The following RAP1GAP2 variants were observed in gnomAD, a reference collection of about 807,000 sequenced individuals.
RAP1GAP2 encodes the protein rap1 GTPase-activating protein 2.
In RAP1GAP2, 27 loss-of-function variants were observed where a neutral mutation model predicts 95.0. The ratio of observed to expected loss-of-function variants is 0.28; its 90% CI spans 0.21 to 0.39. The LOEUF is 0.39. Ranked by LOEUF, RAP1GAP2 falls within the 10% of genes least tolerant of loss-of-function variation. The probability of loss-of-function intolerance (pLI) is 1.00; values close to 1 mark genes in which losing one functional copy is unlikely to be tolerated. For synonymous variants in RAP1GAP2, 373 were observed against 380.9 expected (o/e 0.98, Z 0.24); for missense variants, 771 against 970.0 (o/e 0.79, Z 2.72).
At chr17:2,914,653 G>A (rs936835349) in intron 3 of RAP1GAP2, among the ~76,000 whole-genome samples, 4 of 151,576 alleles carry the variant, frequency 2.6e-5, no homozygotes, top group African/African-American at 9.7e-5. Context: ...ACCACGCCCG[G>A]CAAATTTTTT....
chr17:2,885,435 A>G (rs986404916), intron 2 of RAP1GAP2, among the ~76,000 whole-genome samples: 2 of 152,206 alleles, frequency 1.3e-5, no homozygotes, highest in African/African-American at 2.4e-5. Flanking sequence ...CATCCAGCAC[A>G]TAGTCCCTGC....
chr17:2,791,902 C>G (rs1421354357), upstream of RAP1GAP2, among the ~76,000 whole-genome samples: 6 of 150,734 alleles, frequency 4.0e-5, no homozygotes, highest in East Asian at 9.8e-4. Context: ...CTCTGTCACC[C>G]AGGCTGGAGT....
rs1411244014 is a variant in RAP1GAP2 at position 2,980,318 on chromosome 17, C to T, written c.628C>T (p.Pro210Ser). ...ACTGAAGACGGTACATGAGCGGATCCCCTTGGCTGGACTGAGCAAGCTTCC... is the reference window on the plus strand; with the variant it reads ...ACTGAAGACGGTACATGAGCGGATCTCCTTGGCTGGACTGAGCAAGCTTCC... ...SKLKTVHERI[P>S]LAGLSKLPSV... Residue 210 changes from proline to serine, a missense_variant, in exon 9 of 25, where the codon CCC becomes TCC. Pro to Ser is a moderately conservative substitution (Grantham distance 74). Transcript: ENST00000254695. 2.4e-5 allele frequency: 38 copies of T among 1,613,802 alleles called. No homozygotes were observed. In the East Asian group the frequency reaches 8.0e-4, roughly 34 times the overall value.
intron 3 of RAP1GAP2, among the ~76,000 whole-genome samples, chr17:2,921,522 A>G (rs2042768931): frequency 6.6e-6 from 1 of 151,730 alleles, no homozygotes; most frequent in South Asian, 2.1e-4. Flanking sequence ...TTTTCTCACA[A>G]CTCTAGAGGC....
At chr17:2,953,017 G>A (rs1357037168) in intron 3 of RAP1GAP2, among the ~76,000 whole-genome samples, 1 of 151,754 alleles carries the variant, frequency 6.6e-6, no homozygotes, top group Non-Finnish European at 1.5e-5. Context: ...TGTTGGCCAG[G>A]CTGGTCTCGA....
intron 19 of RAP1GAP2, among the ~76,000 whole-genome samples, chr17:3,023,752 AG>A (rs557871697): frequency 1.7e-3 from 253 of 152,262 alleles, no homozygotes; most frequent in African/African-American, 5.7e-3. Flanking sequence ...CCCGTCATCT[AG>A]GTTTTAAGCC....
chr17:2,759,165 C>T (rs564375442), intron 1 of RAP1GAP2, among the ~76,000 whole-genome samples: 1 of 152,230 alleles, frequency 6.6e-6, no homozygotes, highest in East Asian at 1.9e-4. Context: ...TTTACCTAAC[C>T]TCTACTGACA....
intron 3 of RAP1GAP2, among the ~76,000 whole-genome samples, chr17:2,909,776 C>G (rs539766653): frequency 6.6e-6 from 1 of 152,282 alleles, no homozygotes; most frequent in African/African-American, 2.4e-5. Flanking sequence ...TGCCCAGGCC[C>G]CAAGCACAAG....
At chr17:2,987,636 CA>C (rs1446343183) in intron 11 of RAP1GAP2, among the ~76,000 whole-genome samples, 1 of 152,042 alleles carries the variant, frequency 6.6e-6, no homozygotes, top group African/African-American at 2.4e-5. Flanking sequence ...GCTGGTATTA[CA>C]GGGGTGAGCC....
rs2072668008 is a variant in RAP1GAP2, at chr17:2,867,605, G to T, written c.81-37679G>T. On this transcript the variant is annotated intron_variant, in intron 2 of 24. Coordinates refer to ENST00000254695, the MANE Select transcript of RAP1GAP2 (RefSeq NM_015085.5). This position sits in a 1 kb window ranked among gnomAD's most constrained non-coding sequence, Gnocchi z 4.5. ...GCATCCCTGAACTTTGGCCAGAGGGGTGGGATACACTGATTCATGAAGTCT... is the reference window on the plus strand; with the variant it reads ...GCATCCCTGAACTTTGGCCAGAGGGTTGGGATACACTGATTCATGAAGTCT... 1.3e-5 allele frequency among the ~76,000 whole-genome samples: 2 copies of T among 152,324 alleles called. No homozygotes were observed. Among genetic ancestry groups the T allele is most frequent in the South Asian group, 4.1e-4 (2 of 4,830 alleles).
intron 2 of RAP1GAP2, among the ~76,000 whole-genome samples, chr17:2,835,323 G>A (rs1323298073): frequency 6.6e-6 from 1 of 150,784 alleles, no homozygotes; most frequent in Non-Finnish European, 1.5e-5. Context: ...GGGTTCAAGC[G>A]ATTCTCCTGC....
At chr17:2,771,479 C>CTTT (rs775623366) in intron 2 of RAP1GAP2, among the ~76,000 whole-genome samples, 5 of 131,864 alleles carry the variant, frequency 3.8e-5, no homozygotes, top group African/African-American at 8.9e-5. Context: ...ATCAAAGCCA[C>CTTT]TTTTTTGTTT....
intron 3 of RAP1GAP2, among the ~76,000 whole-genome samples, chr17:2,941,836 C>G (rs541086501): frequency 1.3e-5 from 2 of 152,184 alleles, no homozygotes; most frequent in South Asian, 4.2e-4. Flanking sequence ...ACATGTGCCA[C>G]CACGCCTGGC....
chr17:2,912,200 C>G (rs935772617), intron 3 of RAP1GAP2, among the ~76,000 whole-genome samples: 1 of 152,214 alleles, frequency 6.6e-6, no homozygotes, highest in Non-Finnish European at 1.5e-5. Flanking sequence ...GAGGAGCCTC[C>G]TCCTTGCCCC....
Position 3,025,922 on chromosome 17 carries a change from C to CCGAG in RAP1GAP2, c.1752-85_1752-82dup, listed in dbSNP as rs2047096903. The CCGAG allele has an allele frequency of 4.0e-6, 4 of 1,011,694 alleles. No individual in the cohort carries two copies. The Admixed American group carries it at 8.4e-5, about 21-fold the overall frequency. The allele number at this position is 1,011,694 out of a possible 1,614,324, so 62.7% of individuals were successfully genotyped here. ...TCTGACCCCACTGCCCCTCACCGTG[C>CCGAG]CGAGAGAGGCTCTGCCTGGGGCCGT... On this transcript the variant is annotated intron_variant, in intron 19 of 24. Coordinates refer to ENST00000254695, the MANE Select transcript of RAP1GAP2 (RefSeq NM_015085.5).
intron 23 of RAP1GAP2, among the ~76,000 whole-genome samples, chr17:3,031,735 G>T: frequency 6.8e-6 from 1 of 146,750 alleles, no homozygotes; most frequent in Non-Finnish European, 1.5e-5. Context: ...CTGGTTCCTG[G>T]GTCCCGAATC....
chr17:2,780,935 G>A (rs2151447016), intron 1 of RAP1GAP2, among the ~76,000 whole-genome samples: 1 of 152,296 alleles, frequency 6.6e-6, no homozygotes, highest in East Asian at 1.9e-4. Flanking sequence ...ATGCTGTACT[G>A]TTTTTGGGTG....
intron 2 of RAP1GAP2, among the ~76,000 whole-genome samples, chr17:2,895,478 A>G (rs1738144712): frequency 6.6e-6 from 1 of 152,042 alleles, no homozygotes. Flanking sequence ...GGTTAATACT[A>G]TTTCCTTCAG....
Position 2,942,929 on chromosome 17 carries a change from T to C in RAP1GAP2, c.166-14830T>C, listed in dbSNP as rs551024158. On this transcript the variant is annotated intron_variant, in intron 3 of 24. Transcript: ENST00000254695. ...ATGACAGGCACTCACCACCCACGCCTAGCTAATTTTTGTATTTTTAGTAGA... is the reference window on the plus strand; with the variant it reads ...ATGACAGGCACTCACCACCCACGCCCAGCTAATTTTTGTATTTTTAGTAGA... Among the ~76,000 whole-genome samples, 129 of 152,054 alleles carry C rather than the reference T, an allele frequency of 8.5e-4. 1 individual carries two copies. The highest frequency in any genetic ancestry group is 1.4e-3 in the Non-Finnish European group (96 of 67,992).
Sources: gnomAD v4.1 joint callset for allele counts (sites outside exome capture counted in the v4.1 genomes callset) on GRCh38, gnomAD v4.1.1 for gene constraint, Gnocchi (gnomAD v3.1) non-coding constraint, MANE v1.5 for transcripts, NCBI Gene and HGNC (gene_info 2026-07-23, HGNC 2026-07-21) for gene names.